Variants in KCNIP4 observed in about 807,000 individuals in gnomAD.
KCNIP4 encodes the protein Kv channel-interacting protein 4.
KCNIP4 carries 12 observed loss-of-function variants against 34.0 expected under a neutral mutation model. That is an observed-to-expected ratio of 0.35 (90% CI 0.23 to 0.57). The LOEUF (loss-of-function observed/expected upper bound fraction) is 0.57, where lower values mean the gene tolerates loss of function less well. Ranked by LOEUF, KCNIP4 falls within the 20% of genes least tolerant of loss-of-function variation. The pLI, the probability that KCNIP4 is intolerant of heterozygous loss-of-function variation, is 0.83. For missense variants in KCNIP4, 238 were observed against 311.7 expected, an observed-to-expected ratio of 0.76 and a Z score of 1.78; for synonymous variants, 124 against 102.2, an observed-to-expected ratio of 1.21 and a Z score of -1.29.
chr4:21,668,404 C>T (rs756318590), intron 1 of KCNIP4, among the ~76,000 whole-genome samples: 1 of 152,104 alleles, frequency 6.6e-6, no homozygotes, highest in Non-Finnish European at 1.5e-5. Flanking sequence ...AACTGCATGT[C>T]ATCATTTACT....
intron 1 of KCNIP4, among the ~76,000 whole-genome samples, chr4:21,186,837 CAG>C (rs1452763806): frequency 6.6e-6 from 1 of 152,028 alleles, no homozygotes; most frequent in East Asian, 1.9e-4. Flanking sequence ...TTTGTAGAGA[CAG>C]AGTCTTACTA....
At chr4:21,474,063 AG>A (rs1444889918) in intron 1 of KCNIP4, among the ~76,000 whole-genome samples, 12 of 152,120 alleles carry the variant, frequency 7.9e-5, no homozygotes, top group Non-Finnish European at 1.5e-5. Context: ...AATTTTTAAC[AG>A]GGCTGTGGAG....
chr4:21,915,386 C>A (rs1728572811), intron 1 of KCNIP4, among the ~76,000 whole-genome samples: 2 of 152,162 alleles, frequency 1.3e-5, no homozygotes, highest in South Asian at 4.1e-4. Context: ...TTTGCAAGAT[C>A]CTTTGTCTAC....
At chr4:20,909,764 A>G in intron 1 of KCNIP4, among the ~76,000 whole-genome samples, 1 of 152,028 alleles carries the variant, frequency 6.6e-6, no homozygotes, top group East Asian at 1.9e-4. Context: ...ACCAATGTCT[A>G]TTTCATTTTT....
intron 1 of KCNIP4, among the ~76,000 whole-genome samples, chr4:21,891,212 A>G (rs1168538523): frequency 6.6e-6 from 1 of 152,080 alleles, no homozygotes; most frequent in Admixed American, 6.6e-5. Flanking sequence ...GACTCCCCAT[A>G]GGGTCTAAGA....
chr4:21,773,921 C>T (rs1481619803), intron 1 of KCNIP4, among the ~76,000 whole-genome samples: 1 of 151,874 alleles, frequency 6.6e-6, no homozygotes, highest in East Asian at 1.9e-4. Flanking sequence ...CTAATTGGGG[C>T]ATTTAGCCCA....
intron 1 of KCNIP4, among the ~76,000 whole-genome samples, chr4:21,837,402 G>C (rs1335976409): frequency 6.7e-6 from 1 of 150,340 alleles, no homozygotes; most frequent in Non-Finnish European, 1.5e-5. Flanking sequence ...GGGTGTGGTG[G>C]TGGGCACCTG....
At chr4:21,337,683 A>C (rs867875377) in intron 1 of KCNIP4, among the ~76,000 whole-genome samples, 1 of 152,206 alleles carries the variant, frequency 6.6e-6, no homozygotes, top group Non-Finnish European at 1.5e-5. Context: ...TGGCTATGCT[A>C]GAATGGCTGA....
At chr4:21,810,068 C>T (rs959415690) in intron 1 of KCNIP4, among the ~76,000 whole-genome samples, 1 of 152,002 alleles carries the variant, frequency 6.6e-6, no homozygotes, top group East Asian at 1.9e-4. Context: ...CTGGGAAAAG[C>T]CAAGGTTAGA....
chr4:20,879,139 G>A (rs1344931792), intron 2 of KCNIP4, among the ~76,000 whole-genome samples: 1 of 152,154 alleles, frequency 6.6e-6, no homozygotes, highest in Non-Finnish European at 1.5e-5. Context: ...GACTGCCTAG[G>A]GGATCGTGGG....
intron 1 of KCNIP4, among the ~76,000 whole-genome samples, chr4:21,618,846 G>T (rs1392112750): frequency 3.3e-5 from 5 of 151,574 alleles, no homozygotes; most frequent in African/African-American, 9.7e-5. Flanking sequence ...TCTTAGCCAG[G>T]ATGGTCTCGA....
intron 1 of KCNIP4, among the ~76,000 whole-genome samples, chr4:21,727,706 G>A (rs1304380676): frequency 1.3e-5 from 2 of 152,020 alleles, no homozygotes; most frequent in Non-Finnish European, 2.9e-5. Flanking sequence ...GTGCTCACCT[G>A]TAATCCCAGC....
chr4:21,807,726 A>G lies in KCNIP4; in HGVS notation c.61+140845T>C, dbSNP rs867662473. 2.4e-4 allele frequency among the ~76,000 whole-genome samples: 37 copies of G among 152,304 alleles called. 1 individual carries two copies. The highest frequency in any genetic ancestry group is 3.4e-3 in the Middle Eastern group (1 of 294). ...AAAATTCTCTATTACTCAGCAGTCC[A>G]CTTAATGGGACAAAATTTCTGACCT... is the stretch of plus-strand genomic sequence containing the variant. On this transcript the variant is annotated intron_variant, in intron 1 of 8. Transcript: ENST00000382152.
At chr4:21,824,063 C>G (rs932870926) in intron 1 of KCNIP4, among the ~76,000 whole-genome samples, 7 of 152,106 alleles carry the variant, frequency 4.6e-5, no homozygotes, top group African/African-American at 1.4e-4. Context: ...TGTGAAGAAG[C>G]CTGGGCTAGC....
chr4:21,485,405 C>A (rs1392061708), intron 1 of KCNIP4, among the ~76,000 whole-genome samples: 1 of 152,142 alleles, frequency 6.6e-6, no homozygotes, highest in African/African-American at 2.4e-5. Flanking sequence ...CTAGCCCCTC[C>A]TACTCCCCAC....
chr4:20,900,217 T>G lies in KCNIP4; in HGVS notation c.62-17508A>C, dbSNP rs549558611. Among the ~76,000 whole-genome samples the G allele has an allele frequency of 3.0e-4, 45 of 152,322 alleles. No homozygotes were observed. The South Asian group carries it at 6.8e-3, about 23-fold the overall frequency. On this transcript the variant is annotated intron_variant, in intron 1 of 8. Coordinates refer to ENST00000382152, the MANE Select transcript of KCNIP4 (RefSeq NM_025221.6). Reference sequence around the variant, plus strand: ...GCTCCTTAGGAAACCCAAGACCACCTATTTTAGAAATATGCTATAACTAAA... The same window carrying G: ...GCTCCTTAGGAAACCCAAGACCACCGATTTTAGAAATATGCTATAACTAAA...
intron 1 of KCNIP4, among the ~76,000 whole-genome samples, chr4:21,379,234 G>C (rs1256196829): frequency 6.6e-6 from 1 of 152,016 alleles, no homozygotes; most frequent in Non-Finnish European, 1.5e-5. Context: ...TCACTATTTT[G>C]AATACTGTTA....
intron 1 of KCNIP4, among the ~76,000 whole-genome samples, chr4:21,401,934 A>G (rs1723594028): frequency 6.6e-6 from 1 of 152,192 alleles, no homozygotes; most frequent in African/African-American, 2.4e-5. Flanking sequence ...TTTAATAGTG[A>G]AAGAATGGTG....
At position 21,684,378 on chromosome 4, in the gene KCNIP4, C is replaced by T. The variant is rs1750652112; in HGVS notation, c.61+264193G>A. On this transcript the variant is annotated intron_variant, in intron 1 of 8. Coordinates refer to ENST00000382152, the MANE Select transcript of KCNIP4 (RefSeq NM_025221.6). ...ATTCATATTTCATAATAAAATTCTT[C>T]TCTACATCTTATTTCACTGGTAATA... Among the ~76,000 whole-genome samples, 9 of 152,216 alleles carry T rather than the reference C, an allele frequency of 5.9e-5. No homozygotes were observed. The South Asian group carries it at 1.7e-3, about 28-fold the overall frequency.
Sources: gnomAD v4.1 joint callset for allele counts (sites outside exome capture counted in the v4.1 genomes callset) on GRCh38, gnomAD v4.1.1 for gene constraint, MANE v1.5 for transcripts, NCBI Gene and HGNC (gene_info 2026-07-23, HGNC 2026-07-21) for gene names.